Variants in SH3BP4 observed in about 807,000 individuals in gnomAD.
SH3BP4 encodes the protein SH3 domain binding protein 4, also known as SH3 domain-binding protein 4.
In SH3BP4, 33 loss-of-function variants were observed where a neutral mutation model predicts 65.5. The observed-to-expected ratio is 0.50, with a 90% CI of 0.38 to 0.67. The LOEUF (loss-of-function observed/expected upper bound fraction) is 0.67, where lower values mean the gene tolerates loss of function less well. Among genes scored for constraint, SH3BP4 ranks in the 30% least tolerant of loss-of-function variants. SH3BP4 has a pLI of 0.00. For synonymous variants in SH3BP4, 552 were observed against 545.5 expected (o/e 1.01, Z -0.17); for missense variants, 1,134 against 1,261.4 (o/e 0.90, Z 1.53).
chr2:235,000,096 T>C (rs1045511481), intron 2 of SH3BP4, among the ~76,000 whole-genome samples: 1 of 152,216 alleles, frequency 6.6e-6, no homozygotes, highest in African/African-American at 2.4e-5. Context: ...GTTTCCAGGC[T>C]GGGGGTGTGC....
At chr2:235,053,566 T>C (rs10177808) in intron 5 of SH3BP4, 26 bp from the exon 6 acceptor site, 164,626 of 1,574,470 alleles carry the variant, frequency 0.1, 9,155 homozygotes, top group African/African-American at 0.15. Context: ...CTCCCTCCTT[T>C]TGTTTTTTAC....
rs1238694236 is a variant in SH3BP4, at chr2:235,055,249, A to C, written c.*1433A>C. The C allele has an allele frequency of 6.6e-6, 1 of 152,252 alleles. No homozygotes were observed. The highest frequency in any genetic ancestry group is 3.2e-3 in the Middle Eastern group (1 of 316). 9.4% of individuals were successfully genotyped at this position (152,252 alleles called of 1,614,324 possible). On this transcript the variant is annotated 3_prime_UTR_variant, in exon 6 of 6. Transcript: ENST00000392011. Reference sequence around the variant, plus strand: ...GGGACCATTTGGGATCCCGAATCTCATTCTCTAAAACTGCTTTCTTGAAAC... The same window carrying C: ...GGGACCATTTGGGATCCCGAATCTCCTTCTCTAAAACTGCTTTCTTGAAAC...
At chr2:235,037,509 C>A (rs1275327465) in intron 3 of SH3BP4, among the ~76,000 whole-genome samples, 3 of 152,138 alleles carry the variant, frequency 2.0e-5, no homozygotes, top group African/African-American at 7.2e-5. Context: ...AATGATAATT[C>A]TCATTGATAC....
In SH3BP4 at chr2:235,006,979, C is replaced by T. The variant is rs561941404; in HGVS notation, c.-133+11603C>T. Among the ~76,000 whole-genome samples the T allele has an allele frequency of 1.2e-4, 19 of 152,254 alleles. No individual in the cohort carries two copies. In the South Asian group the frequency reaches 1.7e-3, roughly 13 times the overall value. On this transcript the variant is annotated intron_variant, in intron 2 of 5. Coordinates refer to ENST00000392011, the MANE Select transcript of SH3BP4 (RefSeq NM_014521.3). ...AATCCATTCCATTTCCTCTACTCATCGGATCTGCTTCAGAGACTTAAACGA... is the reference window on the plus strand; with the variant it reads ...AATCCATTCCATTTCCTCTACTCATTGGATCTGCTTCAGAGACTTAAACGA...
At chr2:235,038,281 T>G (rs59144501) in intron 3 of SH3BP4, among the ~76,000 whole-genome samples, 2,271 of 23,586 alleles carry the variant, frequency 0.096, 261 homozygotes, top group African/African-American at 0.41. Flanking sequence ...ATAATATATA[T>G]TATATATAAT....
At chr2:235,001,217 C>T (rs1487555944) in intron 2 of SH3BP4, among the ~76,000 whole-genome samples, 1 of 152,158 alleles carries the variant, frequency 6.6e-6, no homozygotes, top group Non-Finnish European at 1.5e-5. Flanking sequence ...GCTCCCGGGC[C>T]CTTGGCGTGG....
chr2:235,053,088 C>T (rs1292349182), intron 5 of SH3BP4, among the ~76,000 whole-genome samples: 1 of 152,176 alleles, frequency 6.6e-6, no homozygotes, highest in Non-Finnish European at 1.5e-5. Flanking sequence ...CTTTGTGAGC[C>T]GCTCTGGACT....
At chr2:235,036,937 T>C (rs6739340) in intron 3 of SH3BP4, among the ~76,000 whole-genome samples, 83,286 of 151,378 alleles carry the variant, frequency 0.55, 25,599 homozygotes, top group East Asian at 0.88. Context: ...GCCCAGAGAT[T>C]CTGGGGAATC....
In SH3BP4 at chr2:235,055,306, T is replaced by C. The variant is rs1696189932; in HGVS notation, c.*1490T>C. On this transcript the variant is annotated 3_prime_UTR_variant, in exon 6 of 6. Coordinates refer to ENST00000392011, the MANE Select transcript of SH3BP4 (RefSeq NM_014521.3). ...CTTCCTTAGTATAATCAATGTATAC[T>C]CCCTTACTGGCCTGAAACGTTGTAT... 6.6e-6 allele frequency: 1 copy of C among 152,506 alleles called. No homozygotes were observed. Among genetic ancestry groups the C allele is most frequent in the Non-Finnish European group, 1.5e-5 (1 of 68,046 alleles). The allele number at this position is 152,506 out of a possible 1,614,324, so 9.4% of individuals were successfully genotyped here.
chr2:234,979,737 C>T (rs1574787278), intron 1 of SH3BP4: 1 of 152,068 alleles, frequency 6.6e-6, no homozygotes, highest in East Asian at 1.9e-4. Context: ...AGGGTGGCCT[C>T]CCCCGGCAGC....
rs1419293073 is a variant in SH3BP4 at position 234,952,773 on chromosome 2, C to G, written c.-207+603C>G. On this transcript the variant is annotated intron_variant, in intron 1 of 5. Coordinates refer to ENST00000392011, the MANE Select transcript of SH3BP4 (RefSeq NM_014521.3). This position sits in a 1 kb window ranked among gnomAD's most constrained non-coding sequence, Gnocchi z 6.5. ...GTTTCTGGCTTGGCGATCGGGTGAC[C>G]GAGCAGCCGCGAGGTGACAGCGCCG... is the stretch of plus-strand genomic sequence containing the variant. 1.3e-5 allele frequency: 2 copies of G among 152,214 alleles called. No homozygotes were observed. Among genetic ancestry groups the G allele is most frequent in the Non-Finnish European group, 2.9e-5 (2 of 68,050 alleles). The allele number at this position is 152,214 out of a possible 1,614,324, so 9.4% of individuals were successfully genotyped here. A position where few individuals can be genotyped will look rare whatever the true frequency, so the allele number is the denominator to read the frequency against.
chr2:235,051,800 A>G (rs139921880), intron 4 of SH3BP4, among the ~76,000 whole-genome samples: 28 of 151,880 alleles, frequency 1.8e-4, no homozygotes, highest in Non-Finnish European at 3.5e-4. Context: ...AGCACCGCAC[A>G]CTCAGCAGGT....
intron 2 of SH3BP4, among the ~76,000 whole-genome samples, chr2:235,017,997 G>A (rs1694742977): frequency 6.6e-6 from 1 of 152,158 alleles, no homozygotes; most frequent in African/African-American, 2.4e-5. Context: ...GTACGGAAGT[G>A]AGACACAGGC....
intron 1 of SH3BP4, among the ~76,000 whole-genome samples, chr2:234,968,513 G>C (rs913071631): frequency 2.6e-5 from 4 of 151,590 alleles, no homozygotes; most frequent in Non-Finnish European, 5.9e-5. Context: ...GGCTGAGAAT[G>C]CCTTCAGTGT....
At chr2:234,968,456 T>A (rs1409966628) in intron 1 of SH3BP4, among the ~76,000 whole-genome samples, 5 of 150,666 alleles carry the variant, frequency 3.3e-5, no homozygotes, top group African/African-American at 1.2e-4. Flanking sequence ...GGCCAGGTGG[T>A]GTCTAGTACA....
At chr2:235,014,353 T>C (rs1286887215) in intron 2 of SH3BP4, among the ~76,000 whole-genome samples, 1 of 152,176 alleles carries the variant, frequency 6.6e-6, no homozygotes, top group Non-Finnish European at 1.5e-5. Context: ...CTGTGTGCTC[T>C]TGGAGTCTGC....
chr2:234,992,323 C>T (rs1166255515), intron 1 of SH3BP4, among the ~76,000 whole-genome samples: 3 of 152,108 alleles, frequency 2.0e-5, no homozygotes, highest in Non-Finnish European at 2.9e-5. Flanking sequence ...ACATGCAGGT[C>T]GTTTTCTTCG....
chr2:235,004,169 T>A (rs2106286595), intron 2 of SH3BP4, among the ~76,000 whole-genome samples: 1 of 152,348 alleles, frequency 6.6e-6, no homozygotes, highest in South Asian at 2.1e-4. Context: ...AACAAAAATA[T>A]GCTCTCAGTG....
Position 235,045,015 on chromosome 2 carries a change from G to T in SH3BP4, c.2478+1768G>T, listed in dbSNP as rs574414096. Among the ~76,000 whole-genome samples, 54 of 152,320 alleles carry T rather than the reference G, an allele frequency of 3.5e-4. No homozygotes were observed. The highest frequency in any genetic ancestry group is 8.5e-4 in the Admixed American group (13 of 15,304). On this transcript the variant is annotated intron_variant, in intron 4 of 5. Coordinates refer to ENST00000392011, the MANE Select transcript of SH3BP4 (RefSeq NM_014521.3). The surrounding 1 kb of genome is among the most constrained non-coding windows in gnomAD (Gnocchi z 4.3). Reference sequence around the variant, plus strand: ...GGAAGCCTCCGGGCCCCCATGTGGGGTCACCTGCAGGGAGGGGATGGCCTG... The same window carrying T: ...GGAAGCCTCCGGGCCCCCATGTGGGTTCACCTGCAGGGAGGGGATGGCCTG...
Sources: gnomAD v4.1 joint callset for allele counts (sites outside exome capture counted in the v4.1 genomes callset) on GRCh38, gnomAD v4.1.1 for gene constraint, Gnocchi (gnomAD v3.1) non-coding constraint, MANE v1.5 for transcripts, NCBI Gene and HGNC (gene_info 2026-07-23, HGNC 2026-07-21) for gene names.